The following MGAT5 variants were observed in gnomAD, a reference collection of about 807,000 sequenced individuals.
MGAT5 encodes the protein alpha-1,6-mannosylglycoprotein 6-beta-N-acetylglucosaminyltransferase.
Under a neutral mutation model 94.3 loss-of-function variants are expected in MGAT5, and 30 were observed. That is an observed-to-expected ratio of 0.32 (90% CI 0.24 to 0.43). The LOEUF (loss-of-function observed/expected upper bound fraction) is 0.43. Ranked by LOEUF, MGAT5 falls within the 20% of genes least tolerant of loss-of-function variation. MGAT5 has a pLI of 1.00. For missense variants in MGAT5, 691 were observed against 905.5 expected (o/e 0.76, Z 3.04); for synonymous variants, 310 against 322.9 (o/e 0.96, Z 0.43).
chr2:134,200,990 C>G (rs1679759580), intron 1 of MGAT5, among the ~76,000 whole-genome samples: 1 of 152,000 alleles, frequency 6.6e-6, no homozygotes, highest in Non-Finnish European at 1.5e-5. Context: ...TCATAGCTCA[C>G]TGCAGCCTTG....
At chr2:134,318,908 C>T (rs1687163445) in intron 4 of MGAT5, among the ~76,000 whole-genome samples, 169 bp downstream of exon 4, 1 of 152,170 alleles carries the variant, frequency 6.6e-6, no homozygotes, top group Admixed American at 6.5e-5. Flanking sequence ...TTTTTCTTTT[C>T]TCCTTGAGGG....
chr2:134,177,372 T>A (rs1157132908), intron 1 of MGAT5, among the ~76,000 whole-genome samples: 1 of 152,040 alleles, frequency 6.6e-6, no homozygotes, highest in Admixed American at 6.6e-5. Flanking sequence ...CCTGGGGGGA[T>A]CTGATGGAGG....
At chr2:134,407,271 T>C (rs534022435) in intron 11 of MGAT5, among the ~76,000 whole-genome samples, 1 of 152,312 alleles carries the variant, frequency 6.6e-6, no homozygotes, top group Non-Finnish European at 1.5e-5. Context: ...CTATTACAGA[T>C]ACTGGTTCCC....
intron 1 of MGAT5, among the ~76,000 whole-genome samples, chr2:134,135,289 G>A (rs1245925539): frequency 6.6e-6 from 1 of 152,252 alleles, no homozygotes; most frequent in East Asian, 1.9e-4. Context: ...GGGGCTTTGG[G>A]ACTGATAGGG....
intron 1 of MGAT5, among the ~76,000 whole-genome samples, chr2:134,205,193 G>A (rs1021985133): frequency 2.0e-5 from 3 of 152,164 alleles, no homozygotes; most frequent in African/African-American, 7.2e-5. Flanking sequence ...TTTGGAGTTT[G>A]CTTGTAGCCA....
At chr2:134,178,956 T>A (rs1688607160) in intron 1 of MGAT5, among the ~76,000 whole-genome samples, 1 of 152,236 alleles carries the variant, frequency 6.6e-6, no homozygotes, top group African/African-American at 2.4e-5. Context: ...CTCAGATTTC[T>A]GTATTTGTGA....
At chr2:134,280,450 A>AT (rs1194282641) in intron 2 of MGAT5, among the ~76,000 whole-genome samples, 3 of 152,368 alleles carry the variant, frequency 2.0e-5, no homozygotes, top group Admixed American at 1.3e-4. Flanking sequence ...TTGACAGAGC[A>AT]TTATAAACTG....
intron 1 of MGAT5, among the ~76,000 whole-genome samples, chr2:134,184,523 C>T (rs1236247412): frequency 6.6e-6 from 1 of 152,170 alleles, no homozygotes; most frequent in Non-Finnish European, 1.5e-5. Flanking sequence ...TTAGAGAAGT[C>T]TTCCTTCATC....
At chr2:134,298,287 G>A (rs950376454) in intron 2 of MGAT5, among the ~76,000 whole-genome samples, 3 of 151,906 alleles carry the variant, frequency 2.0e-5, no homozygotes, top group Non-Finnish European at 2.9e-5. Context: ...TTGTAGAGAC[G>A]ATGTTTCACC....
intron 1 of MGAT5, among the ~76,000 whole-genome samples, chr2:134,137,689 G>A (rs902996187): frequency 7.2e-5 from 11 of 151,738 alleles, no homozygotes; most frequent in East Asian, 1.9e-4. Context: ...ATAATTTTTC[G>A]TTCTTTGTTT....
At chr2:134,439,429 G>T (rs1276427286) in intron 14 of MGAT5, among the ~76,000 whole-genome samples, 1 of 152,210 alleles carries the variant, frequency 6.6e-6, no homozygotes, top group Non-Finnish European at 1.5e-5. Flanking sequence ...GGGCGCGGTG[G>T]CTCACACCTG....
chr2:134,439,996 G>A (rs1330202194), intron 14 of MGAT5, among the ~76,000 whole-genome samples: 1 of 152,174 alleles, frequency 6.6e-6, no homozygotes, highest in Admixed American at 6.5e-5. Flanking sequence ...GGAAAAGTAG[G>A]CTACTCTAGA....
At chr2:134,439,023 C>G (rs187297213) in intron 14 of MGAT5, among the ~76,000 whole-genome samples, 7 of 152,160 alleles carry the variant, frequency 4.6e-5, no homozygotes, top group Non-Finnish European at 7.4e-5. Flanking sequence ...ATCCCCTCAT[C>G]ATAGGAACAC....
chr2:134,362,589 G>C (rs1352075045), intron 10 of MGAT5, among the ~76,000 whole-genome samples, 181 bp downstream of exon 10: 2 of 152,208 alleles, frequency 1.3e-5, no homozygotes, highest in Non-Finnish European at 2.9e-5. Flanking sequence ...AAGGCTGTAT[G>C]TACCTGCTCT....
chr2:134,220,735 T>C (rs1304974303), intron 1 of MGAT5, among the ~76,000 whole-genome samples: 3 of 152,188 alleles, frequency 2.0e-5, no homozygotes, highest in Admixed American at 1.3e-4. Flanking sequence ...TTTCCTTTGC[T>C]CTAGTCTGTG....
intron 6 of MGAT5, among the ~76,000 whole-genome samples, chr2:134,340,977 G>GT (rs1204766520): frequency 6.6e-6 from 1 of 152,170 alleles, no homozygotes; most frequent in Non-Finnish European, 1.5e-5. Context: ...GAATTACTAG[G>GT]TTTTTTAGGG....
At position 134,441,910 on chromosome 2, in the gene MGAT5, G is replaced by A. The variant is rs1448367255; in HGVS notation, c.2022G>A (p.Met674Ile). 3.2e-5 allele frequency: 51 copies of A among 1,613,250 alleles called. No homozygotes were observed. The highest frequency in any genetic ancestry group is 4.1e-5 in the Non-Finnish European group (48 of 1,179,534). The stretch of plus-strand genomic sequence containing the variant: ...AGCACCTCAACAAGGACAAGGACAT[G>A]CTGAAGTAAGTGCCCTGGGGTGGGG... The part of the protein sequence containing the change: ...FFQHLNKDKD[M>I]LKYKVTCQSS... The change falls in exon 15 of 16, where the codon ATG becomes ATA. Residue 674 changes from methionine to isoleucine, a missense_variant. Physicochemically the swap from Met to Ile is conservative, Grantham distance 10. Around this residue, in one of 4 missense-constraint regions of MGAT5, gnomAD observed 260 missense variants for 347.0 expected, o/e 0.75. Transcript: ENST00000281923.
intron 10 of MGAT5, among the ~76,000 whole-genome samples, chr2:134,400,354 TC>T (rs1310360665): frequency 6.6e-6 from 1 of 152,220 alleles, no homozygotes; most frequent in African/African-American, 2.4e-5. Flanking sequence ...ACATTTTTTT[TC>T]CTCTAATCAG....
chr2:134,237,149 G>GTGTGTGTGTGTGTGTGCA (rs1553499213), intron 1 of MGAT5, among the ~76,000 whole-genome samples: 14 of 87,824 alleles, frequency 1.6e-4, no homozygotes, highest in East Asian at 8.3e-4. Flanking sequence ...GTGTGTGTGT[G>GTGTGTGTGTGTGTGTGCA]CGCGTGTGTG....
Sources: allele counts gnomAD v4.1 joint callset (sites outside exome capture counted in the v4.1 genomes callset), GRCh38; gene constraint gnomAD v4.1.1; regional missense constraint gnomAD v4.1.1; transcripts MANE v1.5; gene names NCBI Gene and HGNC (gene_info 2026-07-23, HGNC 2026-07-21).